WDPCP: variants seen among roughly 807,000 people sequenced by gnomAD.
WDPCP encodes the protein WD repeat-containing and planar cell polarity effector protein fritz homolog.
Under a neutral mutation model 93.1 loss-of-function variants are expected in WDPCP, and 71 were observed. The observed-to-expected ratio is 0.76, with a 90% confidence interval of 0.63 to 0.93. WDPCP has a LOEUF of 0.93. Among genes scored for constraint, WDPCP ranks in the 40% least tolerant of loss-of-function variants. The pLI, the probability that WDPCP is intolerant of heterozygous loss-of-function variation, is 0.00. For synonymous variants in WDPCP, 315 were observed against 315.0 expected (o/e 1.00, Z 0.00); for missense variants, 844 against 887.4 (o/e 0.95, Z 0.62).
chr2:63,609,483 A>G (rs1407070242), intron 3 of WDPCP, among the ~76,000 whole-genome samples: 1 of 152,242 alleles, frequency 6.6e-6, no homozygotes, highest in Admixed American at 6.5e-5. Flanking sequence ...TTCCTCTATC[A>G]TTACCTTCTA....
intron 2 of WDPCP, among the ~76,000 whole-genome samples, chr2:63,698,476 A>T (rs544235330): frequency 6.6e-6 from 1 of 152,274 alleles, no homozygotes; most frequent in East Asian, 1.9e-4. Flanking sequence ...CACCAAGCAG[A>T]TGTTAGAATG....
At chr2:63,749,997 A>G (rs951661450) in intron 2 of WDPCP, among the ~76,000 whole-genome samples, 13 of 152,120 alleles carry the variant, frequency 8.5e-5, no homozygotes, top group Admixed American at 1.3e-4. Context: ...CTAGTTTGAA[A>G]TAGTTTTTGA....
At chr2:63,265,928 T>C (rs11890285) in intron 13 of WDPCP, among the ~76,000 whole-genome samples, 5,756 of 152,218 alleles carry the variant, frequency 0.038, 386 homozygotes, top group African/African-American at 0.13. Context: ...ACCATCTCAA[T>C]AGATGCAGAA....
chr2:63,461,648 A>G (rs1351925984), intron 6 of WDPCP, among the ~76,000 whole-genome samples: 2 of 152,220 alleles, frequency 1.3e-5, no homozygotes, highest in African/African-American at 4.8e-5. Context: ...TTTAAAATGC[A>G]GGTAGATTGG....
intron 14 of WDPCP, among the ~76,000 whole-genome samples, chr2:63,234,234 A>C (rs1679181395): frequency 6.6e-6 from 1 of 152,190 alleles, no homozygotes; most frequent in South Asian, 2.1e-4. Context: ...AGTTTCATCG[A>C]AAAGAATAAA....
chr2:63,383,358 C>T (rs947244297), intron 10 of WDPCP, among the ~76,000 whole-genome samples: 8 of 152,124 alleles, frequency 5.3e-5, no homozygotes, highest in Middle Eastern at 6.8e-3. Flanking sequence ...CACCTAATAA[C>T]AGAGCTGTGA....
intron 17 of WDPCP, among the ~76,000 whole-genome samples, chr2:63,123,032 G>C (rs1445726695): frequency 6.9e-6 from 1 of 144,264 alleles, no homozygotes; most frequent in African/African-American, 2.6e-5. Context: ...TGTAGACCTT[G>C]ATGTACACAA....
chr2:63,305,452 C>A (rs1274695242), intron 13 of WDPCP, among the ~76,000 whole-genome samples: 1 of 152,084 alleles, frequency 6.6e-6, no homozygotes, highest in South Asian at 2.1e-4. Context: ...AGCAGACCTG[C>A]AGTAGAAGGG....
intron 2 of WDPCP, among the ~76,000 whole-genome samples, chr2:63,763,842 G>A (rs956749246): frequency 5.9e-5 from 9 of 152,190 alleles, no homozygotes; most frequent in African/African-American, 1.7e-4. Flanking sequence ...AATCCAGCTG[G>A]CTTCAAACGG....
chr2:63,787,454 G>A (rs1305189084), intron 2 of WDPCP, among the ~76,000 whole-genome samples: 1 of 152,078 alleles, frequency 6.6e-6, no homozygotes, highest in Non-Finnish European at 1.5e-5. Flanking sequence ...GTCTTGGGGA[G>A]GGTTTGTCTT....
At chr2:63,535,211 A>G (rs1324625018) in intron 1 of WDPCP, among the ~76,000 whole-genome samples, 2 of 152,228 alleles carry the variant, frequency 1.3e-5, no homozygotes, top group Admixed American at 1.3e-4. Flanking sequence ...GAAATAAAAG[A>G]GGACACAAAC....
At chr2:63,503,857 T>C (rs1413568969) in intron 1 of WDPCP, among the ~76,000 whole-genome samples, 3 of 151,850 alleles carry the variant, frequency 2.0e-5, no homozygotes, top group African/African-American at 7.3e-5. Flanking sequence ...TTCAGGGTTA[T>C]TGTTTTGAAA....
intron 3 of WDPCP, chr2:63,598,003 T>C (rs1232104961): frequency 6.6e-6 from 1 of 152,582 alleles, no homozygotes; most frequent in Non-Finnish European, 1.5e-5. Context: ...TGCAGAGGAA[T>C]TTTAATATGC....
At chr2:63,535,715 G>A (rs1369597331) in intron 1 of WDPCP, among the ~76,000 whole-genome samples, 1 of 152,166 alleles carries the variant, frequency 6.6e-6, no homozygotes, top group Non-Finnish European at 1.5e-5. Context: ...ATTAATTCGA[G>A]ATGGATTAAA....
Position 63,707,434 on chromosome 2 carries a change from G to T in WDPCP, n.309-56596C>A, listed in dbSNP as rs10166813. On this transcript the variant is annotated intron_variant and non_coding_transcript_variant, in intron 2 of 4. Coordinates refer to the WDPCP transcript ENST00000467687. Reference sequence around the variant, plus strand: ...TTGATCGCATCGGTTACTGAGGCTTGTGCATTCGTCACGTAGATCTCGTGC... The same window carrying T: ...TTGATCGCATCGGTTACTGAGGCTTTTGCATTCGTCACGTAGATCTCGTGC... Among the ~76,000 whole-genome samples the T allele has an allele frequency of 7.8e-4, 118 of 152,236 alleles. No individual in the cohort carries two copies. The Middle Eastern group carries it at 0.01, about 13-fold the overall frequency.
intron 15 of WDPCP, among the ~76,000 whole-genome samples, chr2:63,155,143 T>A (rs1672149081): frequency 6.6e-6 from 1 of 152,204 alleles, no homozygotes; most frequent in Admixed American, 6.5e-5. Flanking sequence ...TTGATGAAGT[T>A]ACCAATTTTT....
At chr2:63,232,928 TG>T in intron 14 of WDPCP, 1 of 187,850 alleles carries the variant, frequency 5.3e-6, no homozygotes, top group Non-Finnish European at 1.1e-5. Flanking sequence ...GAGGAGGAAG[TG>T]GTGGTGGTGG....
At chr2:63,143,915 C>T (rs561977387) in intron 17 of WDPCP, among the ~76,000 whole-genome samples, 10 of 152,228 alleles carry the variant, frequency 6.6e-5, no homozygotes, top group Admixed American at 5.9e-4. Context: ...TGACTATGTG[C>T]CTAGGCGAAG....
chr2:63,649,733 A>AG (rs1710088287), intron 3 of WDPCP, among the ~76,000 whole-genome samples: 2 of 152,264 alleles, frequency 1.3e-5, no homozygotes, highest in South Asian at 4.1e-4. Flanking sequence ...TTTTTAATGG[A>AG]AAAATTTAAT....
Sources: gnomAD v4.1 joint callset for allele counts (sites outside exome capture counted in the v4.1 genomes callset) on GRCh38, gnomAD v4.1.1 for gene constraint, MANE v1.5 for transcripts, NCBI Gene and HGNC (gene_info 2026-07-23, HGNC 2026-07-21) for gene names.